Variants in FRMD4A observed in about 807,000 individuals in gnomAD.
FRMD4A encodes FERM domain containing 4A, also known as FERM domain-containing protein 4A.
In FRMD4A, 29 loss-of-function variants were observed where a neutral mutation model predicts 129.1. The observed-to-expected ratio is 0.22, with a 90% CI of 0.17 to 0.31. The LOEUF is 0.31. FRMD4A is among the 10% of genes least tolerant of loss of function. The pLI, the probability that FRMD4A is intolerant of heterozygous loss-of-function variation, is 1.00. For missense variants in FRMD4A, 1,272 were observed against 1,375.8 expected, an observed-to-expected ratio of 0.92 and a Z score of 1.19; for synonymous variants, 634 against 571.6, an observed-to-expected ratio of 1.11 and a Z score of -1.56.
intron 2 of FRMD4A, among the ~76,000 whole-genome samples, chr10:14,107,208 G>A (rs1837632559): frequency 6.6e-6 from 1 of 152,150 alleles, no homozygotes; most frequent in African/African-American, 2.4e-5. Flanking sequence ...AGAGAGGGGA[G>A]AGAGGGAAGG....
At chr10:14,227,243 CT>C (rs10674411) in intron 2 of FRMD4A, among the ~76,000 whole-genome samples, 3,475 of 63,412 alleles carry the variant, frequency 0.055, 29 homozygotes, top group Middle Eastern at 0.086. Flanking sequence ...TCTTCTTCTT[CT>C]TTTTTTTTTT....
At chr10:13,704,123 G>A (rs959242293) in intron 13 of FRMD4A, among the ~76,000 whole-genome samples, 4 of 152,180 alleles carry the variant, frequency 2.6e-5, no homozygotes, top group Admixed American at 6.5e-5. Context: ...TCATGAATAC[G>A]TGAAATAGTA....
chr10:13,966,764 C>T (rs12259886), intron 2 of FRMD4A, among the ~76,000 whole-genome samples: 12,184 of 152,286 alleles, frequency 0.08, 881 homozygotes, highest in African/African-American at 0.19. Context: ...ATGAAAAATA[C>T]ACTTGCACAC....
chr10:14,064,089 G>T (rs1004336073), intron 2 of FRMD4A, among the ~76,000 whole-genome samples: 3 of 152,286 alleles, frequency 2.0e-5, no homozygotes, highest in African/African-American at 7.2e-5. Context: ...TAGCAATTTT[G>T]CTGGGAAGTG....
chr10:13,815,699 G>A (rs556367395), intron 3 of FRMD4A, among the ~76,000 whole-genome samples: 1 of 152,166 alleles, frequency 6.6e-6, no homozygotes, highest in South Asian at 2.1e-4. Context: ...GTGCCTCAAG[G>A]GCCCTGGCTG....
Position 13,893,469 on chromosome 10 carries a change from G to A in FRMD4A, c.46-34557C>T, listed in dbSNP as rs577595341. The stretch of plus-strand genomic sequence containing the variant: ...CGCAGACTAGTTCTAGTCCTGATTT[G>A]TTTTGACTGCAACACCTAGTAATGG... On this transcript the variant is annotated intron_variant, in intron 2 of 24. Transcript: ENST00000357447. Among the ~76,000 whole-genome samples, 17 of 152,228 alleles carry A rather than the reference G, an allele frequency of 1.1e-4. No individual in the cohort carries two copies. In the South Asian group the frequency reaches 3.5e-3, roughly 32 times the overall value.
At chr10:14,197,159 G>A (rs1287720109) in intron 2 of FRMD4A, among the ~76,000 whole-genome samples, 1 of 152,068 alleles carries the variant, frequency 6.6e-6, no homozygotes, top group African/African-American at 2.4e-5. Context: ...CCCTGGTCTG[G>A]TACCTCAGTT....
At chr10:14,056,244 C>T (rs1281709115) in intron 2 of FRMD4A, among the ~76,000 whole-genome samples, 1 of 152,054 alleles carries the variant, frequency 6.6e-6, no homozygotes, top group East Asian at 1.9e-4. Flanking sequence ...GTTGGCCAGG[C>T]TGGTCTTGAA....
At chr10:14,269,684 A>C (rs1218344) in intron 2 of FRMD4A, among the ~76,000 whole-genome samples, 28,994 of 152,164 alleles carry the variant, frequency 0.19, 3,379 homozygotes, top group African/African-American at 0.32. Context: ...GATACTCTCC[A>C]CATCTCAAAG....
chr10:13,945,876 T>A lies in FRMD4A; in HGVS notation c.46-86964A>T, dbSNP rs867088798. The stretch of plus-strand genomic sequence containing the variant: ...ATTTCCTTGCTCATGACTGCAGGCT[T>A]CAAGGAAGAAGCCAGACCAGGCCAG... On this transcript the variant is annotated intron_variant, in intron 2 of 24. Transcript: ENST00000357447. Among the ~76,000 whole-genome samples, 6 of 152,192 alleles carry A rather than the reference T, an allele frequency of 3.9e-5. No individual in the cohort carries two copies. In the South Asian group the frequency reaches 6.2e-4, roughly 16 times the overall value.
At chr10:14,140,255 G>A (rs564811711) in intron 2 of FRMD4A, among the ~76,000 whole-genome samples, 2 of 152,040 alleles carry the variant, frequency 1.3e-5, no homozygotes, top group Non-Finnish European at 1.5e-5. Flanking sequence ...CAGAGATGGG[G>A]TTTCACCATG....
chr10:14,032,878 A>T (rs1438329574), intron 2 of FRMD4A, among the ~76,000 whole-genome samples: 4 of 152,228 alleles, frequency 2.6e-5, no homozygotes. Context: ...AATCATGCAC[A>T]GTCTGTTTCC....
At chr10:13,706,283 T>C (rs2087425990) in intron 13 of FRMD4A, among the ~76,000 whole-genome samples, 1 of 152,180 alleles carries the variant, frequency 6.6e-6, no homozygotes, top group Non-Finnish European at 1.5e-5. Flanking sequence ...ATTACGCTGC[T>C]GTTTTTGGGG....
intron 2 of FRMD4A, among the ~76,000 whole-genome samples, chr10:14,264,716 T>C (rs541630375): frequency 2.0e-5 from 3 of 152,320 alleles, no homozygotes; most frequent in East Asian, 1.9e-4. Flanking sequence ...CTAGATTTCA[T>C]TGATACAAGA....
chr10:13,938,672 TG>T (rs1303181950), intron 2 of FRMD4A, among the ~76,000 whole-genome samples: 1 of 152,238 alleles, frequency 6.6e-6, no homozygotes, highest in African/African-American at 2.4e-5. Context: ...GGGTTAACAG[TG>T]ATCCTCCACT....
intron 2 of FRMD4A, among the ~76,000 whole-genome samples, chr10:14,324,717 G>A (rs536057824): frequency 1.3e-4 from 20 of 152,218 alleles, no homozygotes; most frequent in South Asian, 1.2e-3. Flanking sequence ...GTGCAGTGGC[G>A]TGCGCCGATC....
intron 2 of FRMD4A, among the ~76,000 whole-genome samples, chr10:14,111,119 G>T (rs567046701): frequency 1.3e-5 from 2 of 152,204 alleles, no homozygotes; most frequent in East Asian, 1.9e-4. Context: ...CAGAAATTTT[G>T]TATCCGTTAA....
intron 2 of FRMD4A, among the ~76,000 whole-genome samples, chr10:14,320,950 G>A (rs1007911996): frequency 3.9e-5 from 6 of 152,184 alleles, no homozygotes; most frequent in African/African-American, 1.4e-4. Context: ...TTCTAAGAAG[G>A]CGTCCTCAGT....
At chr10:13,846,904 G>T (rs1204259900) in intron 3 of FRMD4A, among the ~76,000 whole-genome samples, 1 of 152,200 alleles carries the variant, frequency 6.6e-6, no homozygotes, top group East Asian at 1.9e-4. Context: ...ACTAGGCAGG[G>T]TGGCAAGGAG....
Sources: gnomAD v4.1 joint callset for allele counts (sites outside exome capture counted in the v4.1 genomes callset) on GRCh38, gnomAD v4.1.1 for gene constraint, MANE v1.5 for transcripts, NCBI Gene and HGNC (gene_info 2026-07-23, HGNC 2026-07-21) for gene names.